Variants in SHISA9 observed in about 807,000 individuals in gnomAD.
SHISA9 encodes protein shisa-9.
In SHISA9, 13 loss-of-function variants were observed where a neutral mutation model predicts 38.0. The ratio of observed to expected loss-of-function variants is 0.34; its 90% CI spans 0.22 to 0.54. SHISA9 has a LOEUF of 0.54. Ranked by LOEUF, SHISA9 falls within the 20% of genes least tolerant of loss-of-function variation. SHISA9 has a pLI of 0.91. For synonymous variants in SHISA9, 275 were observed against 242.0 expected (o/e 1.14, Z -1.27); for missense variants, 538 against 575.8 (o/e 0.93, Z 0.67).
the SHISA9 span, among the ~76,000 whole-genome samples, chr16:13,397,477 T>A: frequency 6.6e-5 from 10 of 152,192 alleles, no homozygotes; most frequent in Admixed American, 6.5e-4. Flanking sequence ...CCCGCCCCGC[T>A]GGGGTGCAGT....
At chr16:13,066,908 T>A (rs2073441247) in intron 2 of SHISA9, among the ~76,000 whole-genome samples, 1 of 152,214 alleles carries the variant, frequency 6.6e-6, no homozygotes, top group South Asian at 2.1e-4. Context: ...ACTCTAGAAG[T>A]TTTGTTCTAA....
At chr16:13,067,661 C>A (rs1183714063) in intron 2 of SHISA9, among the ~76,000 whole-genome samples, 1 of 152,214 alleles carries the variant, frequency 6.6e-6, no homozygotes, top group African/African-American at 2.4e-5. Flanking sequence ...AGGAAAATTT[C>A]AATGCCTTGG....
At position 13,198,615 on chromosome 16, in the gene SHISA9, T is replaced by C. The variant is rs185666020; in HGVS notation, c.692-4779T>C. ...GTTTCTCCTCCCTAGCTGAATATATTTGTGGAAAACTCACAAAGCAACTGG... is the reference window on the plus strand; with the variant it reads ...GTTTCTCCTCCCTAGCTGAATATATCTGTGGAAAACTCACAAAGCAACTGG... On this transcript the variant is annotated intron_variant, in intron 2 of 4. Coordinates refer to ENST00000558583, the MANE Select transcript of SHISA9 (RefSeq NM_001145204.3). Among the ~76,000 whole-genome samples the C allele has an allele frequency of 1.7e-3, 262 of 152,322 alleles. 2 individuals are homozygous for C. Among genetic ancestry groups the C allele is most frequent in the African/African-American group, 5.7e-3 (237 of 41,590 alleles).
At chr16:13,484,101 C>A in the SHISA9 span, among the ~76,000 whole-genome samples, 1 of 152,164 alleles carries the variant, frequency 6.6e-6, no homozygotes, top group South Asian at 2.1e-4. Flanking sequence ...TATCTCCAGG[C>A]AGATAGTGTA....
intron 4 of SHISA9, among the ~76,000 whole-genome samples, chr16:13,225,982 G>A (rs1051253768): frequency 6.6e-6 from 1 of 152,178 alleles, no homozygotes; most frequent in African/African-American, 2.4e-5. Context: ...TCACACATCT[G>A]TTTCCTGGTC....
chr16:13,030,660 T>C (rs1000477351), intron 2 of SHISA9, among the ~76,000 whole-genome samples: 2 of 152,238 alleles, frequency 1.3e-5, no homozygotes, highest in South Asian at 2.1e-4. Flanking sequence ...TACAGCAACA[T>C]TGTATAGTGT....
chr16:13,363,622 G>T, the SHISA9 span, among the ~76,000 whole-genome samples: 2 of 152,116 alleles, frequency 1.3e-5, no homozygotes, highest in Non-Finnish European at 2.9e-5. Context: ...TAAATGGTTT[G>T]GTAGAACTGG....
chr16:13,074,772 C>A (rs1008240885), intron 2 of SHISA9, among the ~76,000 whole-genome samples: 2 of 150,888 alleles, frequency 1.3e-5, no homozygotes, highest in African/African-American at 4.9e-5. Flanking sequence ...TCGATAGATT[C>A]TCCTGCCTCA....
At chr16:13,286,930 G>T in the SHISA9 span, among the ~76,000 whole-genome samples, 1 of 152,076 alleles carries the variant, frequency 6.6e-6, no homozygotes, top group Admixed American at 6.6e-5. Flanking sequence ...AACTAAGCTG[G>T]ATGAATTATG....
the SHISA9 span, among the ~76,000 whole-genome samples, chr16:13,388,229 G>A: frequency 7.9e-5 from 12 of 152,134 alleles, no homozygotes; most frequent in South Asian, 2.1e-4. Context: ...CTATAGAAAC[G>A]TGAATGGGAA....
At chr16:12,941,000 G>A (rs147411221) in intron 2 of SHISA9, among the ~76,000 whole-genome samples, 6 of 152,282 alleles carry the variant, frequency 3.9e-5, no homozygotes, top group Non-Finnish European at 8.8e-5. Flanking sequence ...TACCAACCTG[G>A]TTTCATCTGT....
the SHISA9 span, among the ~76,000 whole-genome samples, chr16:13,454,223 A>G: frequency 6.6e-6 from 1 of 152,236 alleles, no homozygotes; most frequent in Non-Finnish European, 1.5e-5. Flanking sequence ...TTGTTTTCCT[A>G]TAACGTGGGT....
At chr16:13,000,430 T>A (rs941233042) in intron 2 of SHISA9, among the ~76,000 whole-genome samples, 3 of 151,952 alleles carry the variant, frequency 2.0e-5, no homozygotes, top group African/African-American at 7.3e-5. Flanking sequence ...AGCTCTGGAG[T>A]GTAAATGGCA....
chr16:12,915,182 C>T (rs1342951629), intron 1 of SHISA9, among the ~76,000 whole-genome samples: 1 of 152,180 alleles, frequency 6.6e-6, no homozygotes, highest in African/African-American at 2.4e-5. Flanking sequence ...GTTTATTGGC[C>T]AGCTGCGGTG....
At chr16:13,207,274 A>G (rs2051074313) in intron 3 of SHISA9, among the ~76,000 whole-genome samples, 1 of 152,154 alleles carries the variant, frequency 6.6e-6, no homozygotes, top group African/African-American at 2.4e-5. Context: ...TAGCAGAGGG[A>G]TATTCTAACA....
Position 12,919,993 on chromosome 16 carries a change from C to T in SHISA9, c.691+3178C>T, listed in dbSNP as rs553384135. On this transcript the variant is annotated intron_variant, in intron 2 of 4. Transcript: ENST00000558583. Reference sequence around the variant, plus strand: ...ACCCTACCTCCTGCACCCCGACTTCCCTGACTGCCAGTGACACCCCTCTCC... The same window carrying T: ...ACCCTACCTCCTGCACCCCGACTTCTCTGACTGCCAGTGACACCCCTCTCC... Among the ~76,000 whole-genome samples, 23 of 152,314 alleles carry T rather than the reference C, an allele frequency of 1.5e-4. No individual in the cohort carries two copies. In the South Asian group the frequency reaches 4.6e-3, roughly 30 times the overall value.
At chr16:13,088,055 G>T (rs1002901538) in intron 2 of SHISA9, among the ~76,000 whole-genome samples, 1 of 152,030 alleles carries the variant, frequency 6.6e-6, no homozygotes, top group Non-Finnish European at 1.5e-5. Flanking sequence ...GCCAGTTTTC[G>T]CAGTATCATT....
At chr16:13,398,523 C>G in the SHISA9 span, among the ~76,000 whole-genome samples, 1 of 144,650 alleles carries the variant, frequency 6.9e-6, no homozygotes, top group Non-Finnish European at 1.5e-5. Context: ...TTTTTTGACA[C>G]AGATTCTTGC....
chr16:13,075,927 C>T (rs1279254668), intron 2 of SHISA9, among the ~76,000 whole-genome samples: 5 of 152,226 alleles, frequency 3.3e-5, no homozygotes, highest in East Asian at 1.9e-4. Flanking sequence ...TTCTACCCAT[C>T]AGATGCCGGT....
Sources: gnomAD v4.1 joint callset for allele counts (sites outside exome capture counted in the v4.1 genomes callset) on GRCh38, gnomAD v4.1.1 for gene constraint, MANE v1.5 for transcripts, NCBI Gene and HGNC (gene_info 2026-07-23, HGNC 2026-07-21) for gene names.